The following FCHSD2 variants were observed in gnomAD, a reference collection of about 807,000 sequenced individuals.
The protein encoded by FCHSD2 is FCH and double SH3 domains 2.
FCHSD2 carries 38 observed loss-of-function variants against 108.1 expected under a neutral mutation model. The observed-to-expected ratio is 0.35, with a 90% CI of 0.27 to 0.46. The LOEUF is 0.46. Among genes scored for constraint, FCHSD2 ranks in the 20% least tolerant of loss-of-function variants. The pLI, the probability that FCHSD2 is intolerant of heterozygous loss-of-function variation, is 1.00. For missense variants in FCHSD2, 751 were observed against 897.8 expected, an observed-to-expected ratio of 0.84 and a Z score of 2.09; for synonymous variants, 279 against 314.7, an observed-to-expected ratio of 0.89 and a Z score of 1.20.
intron 8 of FCHSD2, chr11:72,940,998 AG>A (rs1219688263): frequency 1.1e-5 from 8 of 744,144 alleles, no homozygotes; most frequent in Non-Finnish European, 1.7e-5. Flanking sequence ...TGACATCTAC[AG>A]GCCGAAAGAG....
intron 3 of FCHSD2, among the ~76,000 whole-genome samples, chr11:73,054,301 C>T (rs1040678011): frequency 6.6e-6 from 1 of 152,040 alleles, no homozygotes; most frequent in Non-Finnish European, 1.5e-5. Context: ...TATTTTCCTT[C>T]CCAATCATTC....
chr11:72,880,737 G>A (rs1284824075), intron 12 of FCHSD2, among the ~76,000 whole-genome samples: 1 of 151,690 alleles, frequency 6.6e-6, no homozygotes, highest in African/African-American at 2.4e-5. Flanking sequence ...GCAACATAGC[G>A]AAACCCCATC....
intron 3 of FCHSD2, among the ~76,000 whole-genome samples, chr11:73,030,440 T>A (rs1177010941): frequency 6.6e-6 from 1 of 151,906 alleles, no homozygotes; most frequent in Non-Finnish European, 1.5e-5. Context: ...TCCAAGTGAG[T>A]ATATAGTTTT....
intron 8 of FCHSD2, among the ~76,000 whole-genome samples, chr11:72,972,028 T>C (rs1857015995): frequency 6.6e-6 from 1 of 152,212 alleles, no homozygotes; most frequent in South Asian, 2.1e-4. Context: ...ATGCATCTTA[T>C]TGTATATTAA....
At chr11:73,128,010 T>C (rs1267478220) in intron 2 of FCHSD2, among the ~76,000 whole-genome samples, 1 of 101,490 alleles carries the variant, frequency 9.9e-6, no homozygotes, top group African/African-American at 3.9e-5. Context: ...TAAGACCATC[T>C]CAAAAAAAAA....
At position 73,085,485 on chromosome 11, in the gene FCHSD2, G is replaced by T. The variant is rs1333868296; in HGVS notation, c.120-1745C>A. On this transcript the variant is annotated intron_variant, in intron 2 of 19. Transcript: ENST00000409418. ...TGAAATGACTTTCGGAGGATTTAAA[G>T]AACTGATGCCTCTTCCTTCTCCCTT... Among the ~76,000 whole-genome samples the T allele has an allele frequency of 3.9e-5, 6 of 152,156 alleles. No homozygotes were observed. In the East Asian group the frequency reaches 1.2e-3, roughly 29 times the overall value.
At chr11:72,859,478 C>G (rs1275874195) in intron 13 of FCHSD2, among the ~76,000 whole-genome samples, 1 of 152,104 alleles carries the variant, frequency 6.6e-6, no homozygotes, top group Non-Finnish European at 1.5e-5. Flanking sequence ...TTATAGTATT[C>G]TATTTTATTA....
At chr11:72,963,943 AC>A (rs1856859922) in intron 8 of FCHSD2, among the ~76,000 whole-genome samples, 1 of 152,218 alleles carries the variant, frequency 6.6e-6, no homozygotes, top group South Asian at 2.1e-4. Context: ...CAGTTGAATA[AC>A]AATGGCTAAT....
At chr11:72,868,116 C>T (rs563796409) in intron 12 of FCHSD2, 90 bp from the exon 13 acceptor site, 22 of 1,213,402 alleles carry the variant, frequency 1.8e-5, no homozygotes, top group African/African-American at 1.5e-4. Flanking sequence ...CATCAATGAT[C>T]GACTGGATAA....
chr11:72,993,497 T>C (rs1857459164), intron 5 of FCHSD2, among the ~76,000 whole-genome samples: 1 of 152,160 alleles, frequency 6.6e-6, no homozygotes, highest in South Asian at 2.1e-4. Context: ...TAGGAAAGAC[T>C]TGGAACCAAC....
At chr11:73,128,708 G>A (rs975339726) in intron 2 of FCHSD2, among the ~76,000 whole-genome samples, 2 of 152,102 alleles carry the variant, frequency 1.3e-5, no homozygotes, top group African/African-American at 2.4e-5. Context: ...CAGCAATCAC[G>A]AGGAGAATCA....
intron 8 of FCHSD2, among the ~76,000 whole-genome samples, chr11:72,962,211 G>C (rs997706978): frequency 1.3e-5 from 2 of 152,116 alleles, no homozygotes; most frequent in Non-Finnish European, 2.9e-5. Flanking sequence ...ATAATACTAA[G>C]ACATTGTCTG....
chr11:73,016,118 C>A (rs1247965069), intron 3 of FCHSD2, among the ~76,000 whole-genome samples: 3 of 152,052 alleles, frequency 2.0e-5, no homozygotes, highest in Non-Finnish European at 4.4e-5. Context: ...GCTTGGCCAA[C>A]ATGGTGAAAA....
intron 8 of FCHSD2, among the ~76,000 whole-genome samples, chr11:72,931,271 GTTTTTTT>G (rs143086970): frequency 1.6e-5 from 2 of 126,532 alleles, no homozygotes; most frequent in African/African-American, 5.8e-5. Context: ...ATTTTTGTGG[GTTTTTTT>G]TTTTTTTTAG....
intron 9 of FCHSD2, among the ~76,000 whole-genome samples, chr11:72,916,968 CTTTTTTTTTTTTTTTTTTTTTT>C (rs71062793): frequency 2.5e-5 from 3 of 118,800 alleles, no homozygotes; most frequent in Non-Finnish European, 1.7e-5. Flanking sequence ...GAACTTCATT[CTTTTTTTTTTTTTTTTTTTTTT>C]TTTTTTTTTT....
intron 8 of FCHSD2, among the ~76,000 whole-genome samples, chr11:72,961,039 A>G (rs1371440296): frequency 6.6e-6 from 1 of 152,198 alleles, no homozygotes; most frequent in African/African-American, 2.4e-5. Context: ...GGTAACACAC[A>G]TGTGAGGCTG....
chr11:72,947,974 C>T (rs751251186), intron 8 of FCHSD2, among the ~76,000 whole-genome samples: 20 of 152,012 alleles, frequency 1.3e-4, no homozygotes, highest in Non-Finnish European at 5.9e-5. Flanking sequence ...ATTTTTATGA[C>T]ATCGTTTGGG....
chr11:73,078,753 CTG>C, intron 3 of FCHSD2, among the ~76,000 whole-genome samples: 1 of 152,268 alleles, frequency 6.6e-6, no homozygotes, highest in East Asian at 1.9e-4. Context: ...AGGTCTCACT[CTG>C]TCACCAAGTC....
chr11:72,983,961 A>G, intron 8 of FCHSD2, 127 bp downstream of exon 8: 2 of 754,204 alleles, frequency 2.7e-6, no homozygotes, highest in East Asian at 2.7e-5. Context: ...TAACAAGTAT[A>G]TTCCAATGAG....
Sources: allele counts gnomAD v4.1 joint callset (sites outside exome capture counted in the v4.1 genomes callset), GRCh38; gene constraint gnomAD v4.1.1; transcripts MANE v1.5; gene names NCBI Gene and HGNC (gene_info 2026-07-23, HGNC 2026-07-21).